Variants in TMEM201 observed in about 807,000 individuals in gnomAD.
The protein encoded by TMEM201 is RP13-15M17.2.
In TMEM201, 26 loss-of-function variants were observed where a neutral mutation model predicts 63.4. That is an observed-to-expected ratio of 0.41 (90% CI 0.30 to 0.57). The LOEUF is 0.57. TMEM201 is among the 20% of genes least tolerant of loss of function. TMEM201 has a pLI of 0.29. For missense variants in TMEM201, 794 were observed against 917.7 expected (o/e 0.87, Z 1.74); for synonymous variants, 417 against 421.6 (o/e 0.99, Z 0.14).
Position 9,613,686 on chromosome 1 carries a change from G to T in TMEM201, c.*603G>T, listed in dbSNP as rs1385052004. The T allele has an allele frequency of 1.3e-5, 2 of 152,574 alleles. No individual in the cohort carries two copies. Among genetic ancestry groups the T allele is most frequent in the African/African-American group, 4.8e-5 (2 of 41,420 alleles). 9.5% of individuals were successfully genotyped at this position (152,574 alleles called of 1,614,324 possible). On this transcript the variant is annotated 3_prime_UTR_variant, in exon 11 of 11. Transcript: ENST00000340381. Reference sequence around the variant, plus strand: ...GCCAAAGGCCCAGCTGGGCCTCCAGGACCAGCGCGAGCCCCTGCCCCACCC... The same window carrying T: ...GCCAAAGGCCCAGCTGGGCCTCCAGTACCAGCGCGAGCCCCTGCCCCACCC...
intron 4 of TMEM201, 119 bp from the exon 5 acceptor site, chr1:9,600,986 C>G (rs1406734376): frequency 1.1e-6 from 1 of 892,638 alleles, no homozygotes; most frequent in Non-Finnish European, 1.7e-6. Context: ...GTTTTTGAAC[C>G]AAGCCCAGGA....
intron 1 of TMEM201, among the ~76,000 whole-genome samples, chr1:9,591,494 G>A (rs1035753531): frequency 1.2e-4 from 19 of 152,264 alleles, no homozygotes; most frequent in South Asian, 2.1e-4. Flanking sequence ...CCAGGCCGTC[G>A]TGAAGTCTGT....
At position 9,610,010 on chromosome 1, in the gene TMEM201, C is replaced by A; in HGVS notation, c.1465+99C>A. The stretch of plus-strand genomic sequence containing the variant: ...GTGAGCTTTGGGGTCAGACAGACCC[C>A]AAGTGTGTGTTCACATCTCAGCCCT... On this transcript the variant is annotated intron_variant, in intron 8 of 10. Coordinates refer to ENST00000340381, the MANE Select transcript of TMEM201 (RefSeq NM_001130924.3). This position sits in a 1 kb window ranked among gnomAD's most constrained non-coding sequence, Gnocchi z 4.9. 8.6e-7 allele frequency: 1 copy of A among 1,162,204 alleles called. No homozygotes were observed. 72.0% of individuals were successfully genotyped at this position (1,162,204 alleles called of 1,614,324 possible).
intron 1 of TMEM201, among the ~76,000 whole-genome samples, chr1:9,589,356 C>G (rs1643882432): frequency 6.6e-6 from 1 of 152,150 alleles, no homozygotes. Context: ...GCCCTCAGCC[C>G]CGTGCTGGGC....
In TMEM201 at chr1:9,603,246, C is replaced by G; in HGVS notation, c.1160+974C>G. On this transcript the variant is annotated intron_variant, in intron 6 of 10. Transcript: ENST00000340381. The surrounding 1 kb of genome is among the most constrained non-coding windows in gnomAD (Gnocchi z 4.5). The stretch of plus-strand genomic sequence containing the variant: ...CCTCAGTAGCAGGGCCTGGCCAGGC[C>G]CCTGCTGTTCTCAGCCTCAGTTTGC... 2 of 985,246 alleles carry G rather than the reference C, an allele frequency of 2.0e-6. No homozygotes were observed. The highest frequency in any genetic ancestry group is 2.4e-6 in the Non-Finnish European group (2 of 829,786). The allele number at this position is 985,246 out of a possible 1,614,324, so 61.0% of individuals were successfully genotyped here.
chr1:9,613,141 C>T lies in TMEM201; in HGVS notation c.*58C>T, dbSNP rs2100533688. On this transcript the variant is annotated 3_prime_UTR_variant, in exon 11 of 11. Transcript: ENST00000340381. The stretch of plus-strand genomic sequence containing the variant: ...CCGGTGCCTGCTGCTTCACCACTGC[C>T]GGCCTCAGGACCCTCCCTGGAGGGG... 8.6e-6 allele frequency: 13 copies of T among 1,507,134 alleles called. No homozygotes were observed. The highest frequency in any genetic ancestry group is 5.9e-5 in the Admixed American group (3 of 50,932). 93.4% of individuals were successfully genotyped at this position (1,507,134 alleles called of 1,614,324 possible).
At chr1:9,597,564 G>A (rs367867239) in intron 3 of TMEM201, among the ~76,000 whole-genome samples, 92 of 152,332 alleles carry the variant, frequency 6.0e-4, no homozygotes, top group African/African-American at 2.1e-3. Flanking sequence ...GAGCTGGGCT[G>A]AGCTGGGAGC....
In TMEM201 at chr1:9,604,557, C is replaced by A. The variant is rs557459230; in HGVS notation, c.1160+2285C>A. On this transcript the variant is annotated intron_variant, in intron 6 of 10. Coordinates refer to ENST00000340381, the MANE Select transcript of TMEM201 (RefSeq NM_001130924.3). This position sits in a 1 kb window ranked among gnomAD's most constrained non-coding sequence, Gnocchi z 4.1. The stretch of plus-strand genomic sequence containing the variant: ...CCCTGCCAGGGAACTCTTCTCCTCG[C>A]GGGGGACTTGGGATGGCCATCAGAC... The A allele has an allele frequency of 1.8e-5, 18 of 985,298 alleles. No individual in the cohort carries two copies. Among genetic ancestry groups the A allele is most frequent in the Non-Finnish European group, 2.0e-5 (17 of 829,942 alleles). 61.0% of individuals were successfully genotyped at this position (985,298 alleles called of 1,614,324 possible). A position where few individuals can be genotyped will look rare whatever the true frequency, so the allele number is the denominator to read the frequency against.
chr1:9,598,480 G>A lies in TMEM201; in HGVS notation c.461G>A (p.Arg154Gln), dbSNP rs770240481. 4.3e-6 allele frequency: 7 copies of A among 1,613,866 alleles called. No homozygotes were observed. Among genetic ancestry groups the A allele is most frequent in the Admixed American group, 1.7e-5 (1 of 60,026 alleles). ...GRYDEEVEVY[R>Q]HHLEQMYKLC... ...TATGACGAGGAGGTCGAGGTGTACCGGCATCACCTGGAGCAGATGTACAAG... is the reference window on the plus strand; with the variant it reads ...TATGACGAGGAGGTCGAGGTGTACCAGCATCACCTGGAGCAGATGTACAAG... The change falls in exon 4 of 11, where the codon CGG (arginine) becomes CAG (glutamine). Residue 154 changes from arginine (R) to glutamine (Q), a missense_variant. Transcript: ENST00000340381.
rs190327613 is a variant in TMEM201 at position 9,603,418 on chromosome 1, A to T, written c.1160+1146A>T. 4.1e-6 allele frequency: 4 copies of T among 985,492 alleles called. No homozygotes were observed. The East Asian group carries it at 4.5e-4, about 112-fold the overall frequency. 61.0% of individuals were successfully genotyped at this position (985,492 alleles called of 1,614,324 possible). On this transcript the variant is annotated intron_variant, in intron 6 of 10. Transcript: ENST00000340381. This position sits in a 1 kb window ranked among gnomAD's most constrained non-coding sequence, Gnocchi z 4.5. ...AGGAAGTTCCCGGCCTGGGGGCTTT[A>T]TCCAGGGGTCCCAGTCGAGAGTGGC...
At position 9,604,953 on chromosome 1, in the gene TMEM201, G is replaced by A. The variant is rs940586185; in HGVS notation, c.1161-2604G>A. On this transcript the variant is annotated intron_variant, in intron 6 of 10. Coordinates refer to ENST00000340381, the MANE Select transcript of TMEM201 (RefSeq NM_001130924.3). This position sits in a 1 kb window ranked among gnomAD's most constrained non-coding sequence, Gnocchi z 4.1. ...TGCCTCTGGGGCCCTGCTTTTACCCGCTGGCGTCAGGTGCCGCGTCTTTCT... is the reference window on the plus strand; with the variant it reads ...TGCCTCTGGGGCCCTGCTTTTACCCACTGGCGTCAGGTGCCGCGTCTTTCT... 2.8e-5 allele frequency: 28 copies of A among 985,722 alleles called. No individual in the cohort carries two copies. The Admixed American group carries it at 3.1e-4, about 11-fold the overall frequency. The allele number at this position is 985,722 out of a possible 1,614,324, so 61.1% of individuals were successfully genotyped here.
Position 9,607,793 on chromosome 1 carries a change from AGG to A in TMEM201, c.1393+7_1393+8del. On this transcript the variant is annotated splice_donor_5th_base_variant and intron_variant, in intron 7 of 10. Transcript: ENST00000340381. The surrounding 1 kb of genome is among the most constrained non-coding windows in gnomAD (Gnocchi z 5.4). ...ATACCCTCTCTGACTCGAGCAGGTA[AGG>A]GGTGCCCAGGCATTGGCAGACAGTC... The A allele has an allele frequency of 6.4e-7, 1 of 1,551,020 alleles. No individual in the cohort carries two copies. Among genetic ancestry groups the A allele is most frequent in the Non-Finnish European group, 8.7e-7 (1 of 1,146,826 alleles).
In TMEM201 at chr1:9,604,518, C is replaced by G; in HGVS notation, c.1160+2246C>G. On this transcript the variant is annotated intron_variant, in intron 6 of 10. Transcript: ENST00000340381. This position sits in a 1 kb window ranked among gnomAD's most constrained non-coding sequence, Gnocchi z 4.1. ...CACCACTGTGTTGTGGCTTGTTGAC[C>G]GGGAATGTGTCACCCCTGCCAGGGA... 6.1e-6 allele frequency: 6 copies of G among 985,420 alleles called. No individual in the cohort carries two copies. Among genetic ancestry groups the G allele is most frequent in the African/African-American group, 1.7e-5 (1 of 57,350 alleles). The allele number at this position is 985,420 out of a possible 1,614,324, so 61.0% of individuals were successfully genotyped here.
chr1:9,596,760 C>A, intron 2 of TMEM201, 99 bp from the exon 3 acceptor site: 1 of 1,202,160 alleles, frequency 8.3e-7, no homozygotes, highest in Non-Finnish European at 1.2e-6. Context: ...TTGAGATCTA[C>A]CATCACTTGC....
In TMEM201 at chr1:9,607,504, C is replaced by G; in HGVS notation, c.1161-53C>G. ...GGTGGGACCCACTGCAAGGCTGCCT[C>G]CAGGACCTCCCGCTGACCCTCTTCT... On this transcript the variant is annotated intron_variant, in intron 6 of 10. Coordinates refer to ENST00000340381, the MANE Select transcript of TMEM201 (RefSeq NM_001130924.3). The surrounding 1 kb of genome is among the most constrained non-coding windows in gnomAD (Gnocchi z 5.4). 5 of 1,448,460 alleles carry G rather than the reference C, an allele frequency of 3.5e-6. No individual in the cohort carries two copies. Among genetic ancestry groups the G allele is most frequent in the Non-Finnish European group, 4.7e-6 (5 of 1,071,368 alleles). The allele number at this position is 1,448,460 out of a possible 1,614,324, so 89.7% of individuals were successfully genotyped here. A position where few individuals can be genotyped will look rare whatever the true frequency, so the allele number is the denominator to read the frequency against.
chr1:9,610,341 C>A lies in TMEM201; in HGVS notation c.1466-165C>A, dbSNP rs892003074. ...TCCCTCAGGTGCCTGGTAGAGGGCA[C>A]CTCTCCTCCTTCAGCTTTGCAGCAG... On this transcript the variant is annotated intron_variant, in intron 8 of 10. Transcript: ENST00000340381. The surrounding 1 kb of genome is among the most constrained non-coding windows in gnomAD (Gnocchi z 4.9). Among the ~76,000 whole-genome samples, 3 of 152,182 alleles carry A rather than the reference C, an allele frequency of 2.0e-5. No homozygotes were observed. The highest frequency in any genetic ancestry group is 7.2e-5 in the African/African-American group (3 of 41,438).
intron 4 of TMEM201, among the ~76,000 whole-genome samples, chr1:9,598,948 CTTTT>C (rs1244673235): frequency 4.8e-5 from 7 of 145,480 alleles, no homozygotes; most frequent in African/African-American, 1.8e-4. Flanking sequence ...TGCACCCGTC[CTTTT>C]TTTTTTTTAA....
At chr1:9,600,396 G>A (rs1451031916) in intron 4 of TMEM201, among the ~76,000 whole-genome samples, 1 of 152,130 alleles carries the variant, frequency 6.6e-6, no homozygotes, top group African/African-American at 2.4e-5. Context: ...ATGGGTCCAG[G>A]GCTTAGGAGT....
At position 9,607,680 on chromosome 1, in the gene TMEM201, C is replaced by T. The variant is rs558403673; in HGVS notation, c.1284C>T (p.Leu428=). The T allele has an allele frequency of 3.8e-5, 59 of 1,552,000 alleles. No individual in the cohort carries two copies. Among genetic ancestry groups the T allele is most frequent in the Middle Eastern group, 3.3e-4 (2 of 5,994 alleles). Residue 428 remains leucine (L), a synonymous_variant, in exon 7 of 11, where the codon CTC becomes CTT. Coordinates refer to ENST00000340381, the MANE Select transcript of TMEM201 (RefSeq NM_001130924.3). The surrounding 1 kb of genome is among the most constrained non-coding windows in gnomAD (Gnocchi z 5.4). ...FIPSPPSFLP[L]ANQQLFRSPR... ...CCAGCCCGCCCAGCTTCCTGCCCCTCGCCAACCAGCAGCTCTTCCGGTCTC... is the reference window on the plus strand; with the variant it reads ...CCAGCCCGCCCAGCTTCCTGCCCCTTGCCAACCAGCAGCTCTTCCGGTCTC...
Sources: allele counts gnomAD v4.1 joint callset (sites outside exome capture counted in the v4.1 genomes callset), GRCh38; gene constraint gnomAD v4.1.1; non-coding constraint Gnocchi (gnomAD v3.1); transcripts MANE v1.5; gene names NCBI Gene and HGNC (gene_info 2026-07-23, HGNC 2026-07-21).